Variants in GRM5 observed in about 807,000 individuals in gnomAD.
GRM5 encodes the protein metabotropic glutamate receptor 5.
A neutral mutation model predicts 83.1 loss-of-function variants in GRM5; 19 were observed. The observed-to-expected ratio is 0.23, with a 90% CI of 0.16 to 0.34. The LOEUF (loss-of-function observed/expected upper bound fraction) is 0.34, where lower values mean the gene tolerates loss of function less well. GRM5 is among the 10% of genes least tolerant of loss of function. The pLI is 1.00. For missense variants in GRM5, 1,160 were observed against 1,588.3 expected, an observed-to-expected ratio of 0.73 and a Z score of 4.58; for synonymous variants, 675 against 633.6, an observed-to-expected ratio of 1.07 and a Z score of -0.98.
chr11:88,815,567 G>C lies in GRM5; in HGVS notation c.911+34339C>G, dbSNP rs116789742. 4.5e-3 allele frequency among the ~76,000 whole-genome samples: 684 copies of C among 152,282 alleles called. 4 individuals carry two copies. The highest frequency in any genetic ancestry group is 0.016 in the African/African-American group (650 of 41,562). On this transcript the variant is annotated intron_variant, in intron 3 of 9. Coordinates refer to ENST00000305447, the MANE Select transcript of GRM5 (RefSeq NM_001143831.3). Reference sequence around the variant, plus strand: ...TTGATGTATAGAAGGTTCAAGATTGGTCATCTGCATCTGGTCAGAGTCTCA... The same window carrying C: ...TTGATGTATAGAAGGTTCAAGATTGCTCATCTGCATCTGGTCAGAGTCTCA...
At chr11:88,603,222 G>T (rs1938047578) in intron 5 of GRM5, among the ~76,000 whole-genome samples, 1 of 152,194 alleles carries the variant, frequency 6.6e-6, no homozygotes. Flanking sequence ...ATCCATCAAG[G>T]TTTCCCATTG....
At chr11:88,945,463 C>T (rs543343286) in intron 2 of GRM5, among the ~76,000 whole-genome samples, 4 of 151,858 alleles carry the variant, frequency 2.6e-5, no homozygotes, top group Non-Finnish European at 5.9e-5. Flanking sequence ...AGAACAAAGC[C>T]AGATACATCA....
At chr11:88,682,977 T>A (rs1260709222) in intron 3 of GRM5, among the ~76,000 whole-genome samples, 1 of 152,044 alleles carries the variant, frequency 6.6e-6, no homozygotes, top group East Asian at 1.9e-4. Context: ...TAGGCAACCA[T>A]TTCATATTAA....
chr11:88,948,237 T>C (rs1274536986), intron 2 of GRM5, among the ~76,000 whole-genome samples: 4 of 152,152 alleles, frequency 2.6e-5, no homozygotes, highest in East Asian at 1.9e-4. Flanking sequence ...TTACTGCCCA[T>C]ATTAGTGTTT....
chr11:88,743,745 A>G (rs967592610), intron 3 of GRM5, among the ~76,000 whole-genome samples: 4 of 152,280 alleles, frequency 2.6e-5, no homozygotes, highest in Admixed American at 2.6e-4. Context: ...ATCACATTGC[A>G]TCGTATCAGA....
rs147777124 is a variant in GRM5 at position 88,702,181 on chromosome 11, A to C, written c.912-48778T>G. ...CACACTATCTAGTTACTATGAAGTAACTATATCTACCATATAGCCTGTGGT... is the reference window on the plus strand; with the variant it reads ...CACACTATCTAGTTACTATGAAGTACCTATATCTACCATATAGCCTGTGGT... On this transcript the variant is annotated intron_variant, in intron 3 of 9. Coordinates refer to ENST00000305447, the MANE Select transcript of GRM5 (RefSeq NM_001143831.3). Among the ~76,000 whole-genome samples the C allele has an allele frequency of 3.7e-3, 557 of 152,204 alleles. 7 individuals carry two copies. The highest frequency in any genetic ancestry group is 0.013 in the African/African-American group (523 of 41,538).
rs146386596 is a variant in GRM5 at position 89,036,282 on chromosome 11, C to T, written c.661+10930G>A. The stretch of plus-strand genomic sequence containing the variant: ...TACTTATGCCAAAGCAATAAGCACC[C>T]TACCTTTTTCGTGCAATTGCAAACT... On this transcript the variant is annotated intron_variant, in intron 2 of 9. Transcript: ENST00000305447. 3.8e-3 allele frequency among the ~76,000 whole-genome samples: 575 copies of T among 152,060 alleles called. 4 individuals carry two copies. The highest frequency in any genetic ancestry group is 0.014 in the African/African-American group (566 of 41,482).
chr11:88,796,899 C>CGTGTGT (rs36203408), intron 3 of GRM5, among the ~76,000 whole-genome samples: 30 of 143,544 alleles, frequency 2.1e-4, no homozygotes, highest in East Asian at 1.9e-3. Context: ...CACACACACA[C>CGTGTGT]GTGTGTGTGT....
chr11:88,681,080 A>G (rs1378813052), intron 3 of GRM5, among the ~76,000 whole-genome samples: 1 of 150,950 alleles, frequency 6.6e-6, no homozygotes, highest in African/African-American at 2.4e-5. Context: ...TTCAAGACAC[A>G]TGTATGGACT....
intron 2 of GRM5, among the ~76,000 whole-genome samples, chr11:88,949,905 C>T (rs1448112766): frequency 6.6e-6 from 1 of 152,114 alleles, no homozygotes. Flanking sequence ...TGCTCTGTTG[C>T]CCAGGCTGGA....
At chr11:88,814,628 T>C (rs1298353355) in intron 3 of GRM5, among the ~76,000 whole-genome samples, 1 of 152,092 alleles carries the variant, frequency 6.6e-6, no homozygotes, top group African/African-American at 2.4e-5. Flanking sequence ...ATAGTAGCAG[T>C]AAAGAACAAG....
chr11:88,624,320 C>G (rs1404135791), intron 4 of GRM5, among the ~76,000 whole-genome samples: 1 of 152,198 alleles, frequency 6.6e-6, no homozygotes, highest in Admixed American at 6.5e-5. Flanking sequence ...CTATTTGAAT[C>G]TAGTAATTCT....
chr11:88,867,383 C>A (rs1944689743), intron 2 of GRM5, among the ~76,000 whole-genome samples: 1 of 151,758 alleles, frequency 6.6e-6, no homozygotes, highest in Non-Finnish European at 1.5e-5. Flanking sequence ...AGATGAGAAA[C>A]AACAGTAACT....
chr11:88,884,656 T>C (rs150023890), intron 2 of GRM5, among the ~76,000 whole-genome samples: 3,390 of 152,300 alleles, frequency 0.022, 55 homozygotes, highest in East Asian at 0.068. Flanking sequence ...ATAATTCCCA[T>C]GTGTCATGAG....
chr11:88,640,331 C>G (rs1281344186), intron 4 of GRM5, among the ~76,000 whole-genome samples: 2 of 152,138 alleles, frequency 1.3e-5, no homozygotes. Flanking sequence ...TGGTGCTAAT[C>G]AGTGTTAAAT....
intron 3 of GRM5, among the ~76,000 whole-genome samples, chr11:88,710,398 C>A (rs974132353): frequency 6.6e-6 from 1 of 152,128 alleles, no homozygotes; most frequent in Non-Finnish European, 1.5e-5. Context: ...GTTGCCTGGG[C>A]CTGCCTCGCT....
At chr11:88,893,986 G>A (rs1945189151) in intron 2 of GRM5, among the ~76,000 whole-genome samples, 2 of 151,976 alleles carry the variant, frequency 1.3e-5, no homozygotes, top group Non-Finnish European at 2.9e-5. Flanking sequence ...ACAAAGAGTA[G>A]CCTGTAAAGT....
At chr11:88,920,429 C>CAAAAAAAAAAAAA (rs1565292448) in intron 2 of GRM5, among the ~76,000 whole-genome samples, 1 of 1,440 alleles carries the variant, frequency 6.9e-4, no homozygotes, top group Non-Finnish European at 2.0e-3. Context: ...AAAAAAAAAA[C>CAAAAAAAAAAAAA]CAAAAAAAAA....
chr11:88,703,279 CT>C (rs1941077738), intron 3 of GRM5, among the ~76,000 whole-genome samples: 1 of 152,060 alleles, frequency 6.6e-6, no homozygotes, highest in Admixed American at 6.6e-5. Context: ...GAATAATTCT[CT>C]TTTCAATCAC....
Sources: gnomAD v4.1 joint callset for allele counts (sites outside exome capture counted in the v4.1 genomes callset) on GRCh38, gnomAD v4.1.1 for gene constraint, MANE v1.5 for transcripts, NCBI Gene and HGNC (gene_info 2026-07-23, HGNC 2026-07-21) for gene names.